TET2: variants seen among roughly 807,000 people sequenced by gnomAD.
The protein encoded by TET2 is methylcytosine dioxygenase TET2.
TET2 carries 299 observed loss-of-function variants against 142.9 expected under a neutral mutation model. The ratio of observed to expected loss-of-function variants is 2.09; its 90% confidence interval spans 1.90 to 2.30. TET2 has a LOEUF of 2.30. TET2 is among the 30% of genes most tolerant of loss of function. The pLI, the probability that TET2 is intolerant of heterozygous loss-of-function variation, is 0.00. For synonymous variants in TET2, 819 were observed against 849.0 expected, an observed-to-expected ratio of 0.96 and a Z score of 0.61; for missense variants, 2,418 against 2,378.0, an observed-to-expected ratio of 1.02 and a Z score of -0.35.
At chr4:105,204,280 C>T (rs1726684729) in intron 2 of TET2, among the ~76,000 whole-genome samples, 1 of 139,956 alleles carries the variant, frequency 7.1e-6, no homozygotes, top group Non-Finnish European at 1.5e-5. Context: ...TACATACATA[C>T]ATTAGAAAAC....
chr4:105,151,677 TA>T (rs1443420545), intron 1 of TET2, among the ~76,000 whole-genome samples: 12 of 151,528 alleles, frequency 7.9e-5, no homozygotes, highest in East Asian at 3.9e-4. Context: ...CTCTATTCAA[TA>T]AAAATAAAAA....
intron 6 of TET2, among the ~76,000 whole-genome samples, chr4:105,257,748 C>G (rs577446970): frequency 2.6e-5 from 4 of 152,150 alleles, no homozygotes; most frequent in Admixed American, 6.6e-5. Context: ...TACTTTTAAG[C>G]TTTTTTAGTT....
chr4:105,257,243 G>A (rs1236428991), intron 6 of TET2, among the ~76,000 whole-genome samples: 1 of 151,928 alleles, frequency 6.6e-6, no homozygotes, highest in Non-Finnish European at 1.5e-5. Context: ...AGACTAGCCT[G>A]GGCAGCATAG....
intron 6 of TET2, among the ~76,000 whole-genome samples, chr4:105,248,854 A>G (rs949576154): frequency 1.3e-5 from 2 of 152,004 alleles, no homozygotes; most frequent in African/African-American, 4.8e-5. Context: ...ACAAATAAAC[A>G]TTCAGTTTCT....
chr4:105,170,827 A>G (rs985286150), intron 1 of TET2, among the ~76,000 whole-genome samples: 1 of 151,992 alleles, frequency 6.6e-6, no homozygotes, highest in African/African-American at 2.4e-5. Flanking sequence ...GTGCGACACT[A>G]CTTGTTAGTT....
rs1157874897 is a variant in TET2 at position 105,243,557 on chromosome 4, G to C, written c.3595-13G>C. ...GGTGGGGGGTGTTTGGGATGGAATG[G>C]TGATCCACGCAGGTGGTTCGCAGAA... On this transcript the variant is annotated splice_polypyrimidine_tract_variant and intron_variant, in intron 5 of 10. Coordinates refer to ENST00000380013, the MANE Select transcript of TET2 (RefSeq NM_001127208.3). 1 of 1,551,370 alleles carries C rather than the reference G, an allele frequency of 6.4e-7. No individual in the cohort carries two copies. The highest frequency in any genetic ancestry group is 2.0e-5 in the Admixed American group (1 of 51,000).
At position 105,187,186 on chromosome 4, in the gene TET2, C is replaced by T. The variant is rs994396572; in HGVS notation, c.-192-3174C>T. ...CTTGGTATAGTTAAAAATGTGATAC[C>T]AACTCAAATTCTGATAAAAACAAGT... On this transcript the variant is annotated intron_variant, in intron 1 of 10. Transcript: ENST00000380013. 1.3e-5 allele frequency among the ~76,000 whole-genome samples: 2 copies of T among 152,076 alleles called. 1 individual carries two copies. Among genetic ancestry groups the T allele is most frequent in the South Asian group, 4.2e-4 (2 of 4,818 alleles).
Position 105,275,662 on chromosome 4 carries a change from G to A in TET2, c.5152G>A (p.Val1718Ile). Residue 1718 changes from valine to isoleucine, a missense_variant, in exon 11 of 11, where the codon GTA becomes ATA. Transcript: ENST00000380013. ...TACCATTAGACCAAATGTACATCAT[G>A]TAGGGAAATTGCCTCCTTATCCCAC... ...SCTIRPNVHH[V>I]GKLPPYPTHE... 2.6e-6 allele frequency: 4 copies of A among 1,551,962 alleles called. No homozygotes were observed. The highest frequency in any genetic ancestry group is 3.5e-6 in the Non-Finnish European group (4 of 1,147,042).
At chr4:105,185,881 T>G (rs1725408171) in intron 1 of TET2, among the ~76,000 whole-genome samples, 1 of 151,638 alleles carries the variant, frequency 6.6e-6, no homozygotes, top group Admixed American at 6.6e-5. Context: ...GGAATGATAT[T>G]ATGCTCAAAA....
intron 8 of TET2, among the ~76,000 whole-genome samples, chr4:105,269,356 GTACTT>G (rs1293928018): frequency 6.6e-6 from 1 of 152,084 alleles, no homozygotes; most frequent in Non-Finnish European, 1.5e-5. Flanking sequence ...TAATGAATAT[GTACTT>G]TATTTTGGTT....
chr4:105,233,452 C>G (rs558545380), intron 2 of TET2, among the ~76,000 whole-genome samples: 1 of 147,086 alleles, frequency 6.8e-6, no homozygotes, highest in African/African-American at 2.5e-5. Flanking sequence ...AAGATCTGAG[C>G]TATGAAGTGG....
At position 105,275,332 on chromosome 4, in the gene TET2, T is replaced by C; in HGVS notation, c.4822T>C (p.Tyr1608His). Reference protein sequence around the residue: ...YSTSSQAAGSYLNSSNPMNPY... With the variant: ...YSTSSQAAGSHLNSSNPMNPY... ...CACCTCATCTCAAGCTGCAGGTTCA[T>C]ATTTGAATTCTTCTAATCCCATGAA... is the stretch of plus-strand genomic sequence containing the variant. Residue 1608 changes from tyrosine (Y) to histidine (H), a missense_variant, in exon 11 of 11, where the codon TAT becomes CAT. Coordinates refer to ENST00000380013, the MANE Select transcript of TET2 (RefSeq NM_001127208.3). 1 of 1,551,886 alleles carries C rather than the reference T, an allele frequency of 6.4e-7. No individual in the cohort carries two copies. The highest frequency in any genetic ancestry group is 1.2e-5 in the South Asian group (1 of 84,062).
chr4:105,243,532 G>A (rs1382463395), intron 5 of TET2, 38 bp from the exon 6 acceptor site: 1 of 1,538,736 alleles, frequency 6.5e-7, no homozygotes, highest in Non-Finnish European at 8.8e-7. Context: ...TTTTGGTTGG[G>A]GTGGGGGGTG....
At chr4:105,196,243 C>T (rs1726084773) in intron 2 of TET2, among the ~76,000 whole-genome samples, 2 of 152,052 alleles carry the variant, frequency 1.3e-5, no homozygotes, top group South Asian at 4.2e-4. Flanking sequence ...ATCTATACCC[C>T]TTCTTAATAT....
chr4:105,234,918 A>C lies in TET2; in HGVS notation c.976A>C (p.Lys326Gln). 1.2e-6 allele frequency: 2 copies of C among 1,614,094 alleles called. No homozygotes were observed. Among genetic ancestry groups the C allele is most frequent in the East Asian group, 2.2e-5 (1 of 44,854 alleles). ...FQKPEQLQQQ[K>Q]SVFEICPSPA... ...GAAACCAGAACAACTACAACAACAAAAATCAGTTTTTGAGATATGCCCATC... is the reference window on the plus strand; with the variant it reads ...GAAACCAGAACAACTACAACAACAACAATCAGTTTTTGAGATATGCCCATC... The change falls in exon 3 of 11, where the codon AAA becomes CAA. Residue 326 changes from lysine to glutamine, a missense_variant. Transcript: ENST00000380013.
At chr4:105,242,685 G>A in intron 4 of TET2, 149 bp from the exon 5 acceptor site, 2 of 1,399,552 alleles carry the variant, frequency 1.4e-6, no homozygotes, top group Non-Finnish European at 1.9e-6. Flanking sequence ...CAGTTTGCTT[G>A]GCGTAGACCT....
chr4:105,180,076 CCT>C (rs1405575997), intron 1 of TET2, among the ~76,000 whole-genome samples: 1 of 152,090 alleles, frequency 6.6e-6, no homozygotes, highest in Non-Finnish European at 1.5e-5. Context: ...TGGCTGTTGA[CCT>C]ATCATAGAAA....
rs1159900682 is a variant in TET2, at chr4:105,261,752, T to A, written c.3955-7T>A. Reference sequence around the variant, plus strand: ...ATTTAATATGTAGAATTATTCACTTTATACAGGAAGAGAAACTGGAGTCTC... The same window carrying A: ...ATTTAATATGTAGAATTATTCACTTAATACAGGAAGAGAAACTGGAGTCTC... On this transcript the variant is annotated splice_region_variant and splice_polypyrimidine_tract_variant and intron_variant, in intron 7 of 10. Coordinates refer to ENST00000380013, the MANE Select transcript of TET2 (RefSeq NM_001127208.3). 1 of 1,520,464 alleles carries A rather than the reference T, an allele frequency of 6.6e-7. No individual in the cohort carries two copies. Among genetic ancestry groups the A allele is most frequent in the Non-Finnish European group, 8.9e-7 (1 of 1,120,740 alleles). The allele number at this position is 1,520,464 out of a possible 1,614,324, so 94.2% of individuals were successfully genotyped here.
intron 4 of TET2, chr4:105,242,470 T>A: frequency 9.1e-7 from 1 of 1,104,516 alleles, no homozygotes; most frequent in African/African-American, 1.6e-5. Context: ...CCCCAAGTTT[T>A]AAAATAGCTA....
Sources: allele counts gnomAD v4.1 joint callset (sites outside exome capture counted in the v4.1 genomes callset), GRCh38; gene constraint gnomAD v4.1.1; transcripts MANE v1.5; gene names NCBI Gene and HGNC (gene_info 2026-07-23, HGNC 2026-07-21).